Variants in LUZP2 observed in about 807,000 individuals in gnomAD.
The protein encoded by LUZP2 is leucine zipper protein 2.
In LUZP2, 52 loss-of-function variants were observed where a neutral mutation model predicts 51.6. The ratio of observed to expected loss-of-function variants is 1.01; its 90% CI spans 0.81 to 1.27. The LOEUF is 1.27. Among genes scored for constraint, LUZP2 ranks in the 50% most tolerant of loss-of-function variants. LUZP2 has a pLI of 0.00. For synonymous variants in LUZP2, 154 were observed against 137.3 expected (o/e 1.12, Z -0.85); for missense variants, 436 against 395.4 (o/e 1.10, Z -0.87).
intron 1 of LUZP2, among the ~76,000 whole-genome samples, chr11:24,509,665 C>G (rs545274721): frequency 1.3e-5 from 2 of 149,736 alleles, no homozygotes; most frequent in Admixed American, 6.7e-5. Flanking sequence ...AAATATATTC[C>G]GTAGTATATA....
chr11:24,768,996 G>A (rs1057124408), intron 5 of LUZP2, among the ~76,000 whole-genome samples: 3 of 152,146 alleles, frequency 2.0e-5, no homozygotes, highest in Non-Finnish European at 4.4e-5. Context: ...GAATCAATGT[G>A]TTTATAGATG....
At chr11:24,993,128 T>C (rs1400188672) in intron 9 of LUZP2, among the ~76,000 whole-genome samples, 1 of 152,164 alleles carries the variant, frequency 6.6e-6, no homozygotes, top group Non-Finnish European at 1.5e-5. Context: ...AGAAACATGG[T>C]AAATTGTAAA....
At chr11:25,045,069 G>GTA (rs1364171553) in intron 9 of LUZP2, among the ~76,000 whole-genome samples, 2 of 7,232 alleles carry the variant, frequency 2.8e-4, no homozygotes, top group East Asian at 0.012. Flanking sequence ...TGCGGTGGGG[G>GTA]GAGGGGAGGG....
At chr11:24,604,447 T>A (rs989621268) in intron 1 of LUZP2, among the ~76,000 whole-genome samples, 2 of 151,830 alleles carry the variant, frequency 1.3e-5, no homozygotes, top group African/African-American at 4.8e-5. Flanking sequence ...AATAAATTAA[T>A]AATAATATTA....
intron 8 of LUZP2, among the ~76,000 whole-genome samples, chr11:24,980,860 G>A (rs1234696143): frequency 6.6e-6 from 1 of 151,678 alleles, no homozygotes; most frequent in Non-Finnish European, 1.5e-5. Context: ...ATATGGAAAT[G>A]AGTTTGGGAT....
At chr11:24,956,512 T>C (rs1303769777) in intron 7 of LUZP2, among the ~76,000 whole-genome samples, 1 of 152,148 alleles carries the variant, frequency 6.6e-6, no homozygotes, top group Non-Finnish European at 1.5e-5. Flanking sequence ...GAGAAGGTCC[T>C]GACTTCAATT....
At chr11:25,016,481 A>G (rs1857160650) in intron 9 of LUZP2, among the ~76,000 whole-genome samples, 1 of 152,026 alleles carries the variant, frequency 6.6e-6, no homozygotes, top group Admixed American at 6.6e-5. Flanking sequence ...AAAATATATT[A>G]TTCCATTCTT....
intron 5 of LUZP2, among the ~76,000 whole-genome samples, chr11:24,894,335 C>T (rs1194755564): frequency 2.6e-5 from 4 of 151,828 alleles, no homozygotes; most frequent in Non-Finnish European, 4.4e-5. Flanking sequence ...CCACCACGCC[C>T]GGCTAATTTT....
intron 1 of LUZP2, among the ~76,000 whole-genome samples, chr11:24,711,653 T>C (rs1857832688): frequency 6.6e-6 from 1 of 152,098 alleles, no homozygotes; most frequent in South Asian, 2.1e-4. Flanking sequence ...CTATTTAAAA[T>C]TTGTAATTTG....
intron 1 of LUZP2, among the ~76,000 whole-genome samples, chr11:24,519,240 C>G (rs965505633): frequency 6.6e-6 from 1 of 152,034 alleles, no homozygotes; most frequent in African/African-American, 2.4e-5. Flanking sequence ...TGACTTCAGA[C>G]CATTAGGATT....
chr11:25,008,061 C>A (rs76521600), intron 9 of LUZP2, among the ~76,000 whole-genome samples: 7,863 of 152,240 alleles, frequency 0.052, 486 homozygotes, highest in African/African-American at 0.15. Flanking sequence ...TTCGGTGCCA[C>A]TTTGCAAGAT....
chr11:24,574,347 T>TTTCCTCCCTCCCTCCCTCC (rs1852565542), intron 1 of LUZP2, among the ~76,000 whole-genome samples: 1 of 119,416 alleles, frequency 8.4e-6, no homozygotes, highest in Non-Finnish European at 1.7e-5. Context: ...GCTTCCTTCC[T>TTTCCTCCCTCCCTCCCTCC]TTCCTCCCTC....
At chr11:24,755,093 C>T (rs1256821617) in intron 4 of LUZP2, among the ~76,000 whole-genome samples, 1 of 151,446 alleles carries the variant, frequency 6.6e-6, no homozygotes, top group Non-Finnish European at 1.5e-5. Flanking sequence ...TGCAGTGAGC[C>T]AAGATCATGC....
intron 5 of LUZP2, among the ~76,000 whole-genome samples, chr11:24,852,604 T>C (rs1044410719): frequency 2.0e-5 from 3 of 147,386 alleles, no homozygotes; most frequent in Non-Finnish European, 3.0e-5. Context: ...GAGAATTTTG[T>C]AGATTATCTA....
At chr11:24,709,047 G>A (rs531102852) in intron 1 of LUZP2, among the ~76,000 whole-genome samples, 191 of 152,274 alleles carry the variant, frequency 1.3e-3, no homozygotes, top group African/African-American at 4.4e-3. Flanking sequence ...TCTAGAAGTA[G>A]AAAGAGTTAA....
chr11:24,607,698 C>A (rs1253829275), intron 1 of LUZP2, among the ~76,000 whole-genome samples: 1 of 151,032 alleles, frequency 6.6e-6, no homozygotes, highest in Non-Finnish European at 1.5e-5. Flanking sequence ...TGATAAGGAT[C>A]GCATTGGATC....
At chr11:24,953,828 A>T (rs1855142911) in intron 7 of LUZP2, among the ~76,000 whole-genome samples, 1 of 152,048 alleles carries the variant, frequency 6.6e-6, no homozygotes, top group Non-Finnish European at 1.5e-5. Flanking sequence ...TTATTCAATG[A>T]TTAGCAAAAC....
chr11:24,543,807 C>G (rs10742043), intron 1 of LUZP2, among the ~76,000 whole-genome samples: 130,664 of 131,260 alleles, frequency 1, 65,037 homozygotes, highest in East Asian at 1. Context: ...GGGTGACAGA[C>G]TGAGACTCTG....
chr11:24,624,605 A>G (rs531144118), intron 1 of LUZP2, among the ~76,000 whole-genome samples: 16 of 152,284 alleles, frequency 1.1e-4, no homozygotes, highest in African/African-American at 3.8e-4. Context: ...GCGAGAGGTT[A>G]TTATAGGTGT....
Sources: gnomAD v4.1 joint callset for allele counts (sites outside exome capture counted in the v4.1 genomes callset) on GRCh38, gnomAD v4.1.1 for gene constraint, MANE v1.5 for transcripts, NCBI Gene and HGNC (gene_info 2026-07-23, HGNC 2026-07-21) for gene names.